ZBTB20: variants seen among roughly 807,000 people sequenced by gnomAD.
The protein encoded by ZBTB20 is zinc finger and BTB domain containing 20.
ZBTB20 carries 9 observed loss-of-function variants against 56.9 expected under a neutral mutation model. The observed-to-expected ratio is 0.16, with a 90% confidence interval of 0.10 to 0.28. The LOEUF (loss-of-function observed/expected upper bound fraction) is 0.28. Among genes scored for constraint, ZBTB20 ranks in the 10% least tolerant of loss-of-function variants. The pLI is 1.00. For synonymous variants in ZBTB20, 417 were observed against 420.7 expected (o/e 0.99, Z 0.11); for missense variants, 655 against 1,003.0 (o/e 0.65, Z 4.69).
At chr3:115,075,417 A>G (rs1229405790) in intron 1 of ZBTB20, among the ~76,000 whole-genome samples, 1 of 152,194 alleles carries the variant, frequency 6.6e-6, no homozygotes, top group Non-Finnish European at 1.5e-5. Context: ...CAATTAGCAC[A>G]GTGTCCTCAA....
In ZBTB20 at chr3:114,925,270, C is replaced by T. The variant is rs144959015; in HGVS notation, c.-455-24928G>A. 5.3e-3 allele frequency among the ~76,000 whole-genome samples: 807 copies of T among 151,812 alleles called. 7 individuals carry two copies. Among genetic ancestry groups the T allele is most frequent in the South Asian group, 0.031 (147 of 4,810 alleles). On this transcript the variant is annotated intron_variant, in intron 3 of 11. Transcript: ENST00000675478. The stretch of plus-strand genomic sequence containing the variant: ...TGCTGAGATTACAGGTGTGAGCCAC[C>T]GCACCTGGCCAATTTGGTTCTTTTA...
intron 6 of ZBTB20, among the ~76,000 whole-genome samples, chr3:114,663,372 AG>A (rs1266617062): frequency 1.3e-5 from 2 of 151,022 alleles, no homozygotes; most frequent in African/African-American, 2.4e-5. Flanking sequence ...CTGCCCTAAA[AG>A]AGCTCCTGAA....
intron 1 of ZBTB20, among the ~76,000 whole-genome samples, chr3:115,110,358 G>T (rs1056789511): frequency 2.6e-5 from 4 of 152,164 alleles, no homozygotes; most frequent in Non-Finnish European, 5.9e-5. Flanking sequence ...GGTAGAAATG[G>T]TATCTTTTAT....
chr3:114,698,059 C>A (rs1366496432), intron 5 of ZBTB20, among the ~76,000 whole-genome samples: 2 of 152,060 alleles, frequency 1.3e-5, no homozygotes, highest in African/African-American at 2.4e-5. Flanking sequence ...ATTTATGATT[C>A]TCTCTATGCA....
At chr3:114,848,006 C>G (rs1305337020) in intron 4 of ZBTB20, among the ~76,000 whole-genome samples, 1 of 152,052 alleles carries the variant, frequency 6.6e-6, no homozygotes, top group East Asian at 1.9e-4. Flanking sequence ...TACAAACCAG[C>G]TCAAAGGAAG....
At chr3:115,054,811 A>C (rs1371662382) in intron 2 of ZBTB20, among the ~76,000 whole-genome samples, 1 of 152,118 alleles carries the variant, frequency 6.6e-6, no homozygotes, top group African/African-American at 2.4e-5. Flanking sequence ...GTAATGCAAT[A>C]ATTTTGATTT....
intron 6 of ZBTB20, among the ~76,000 whole-genome samples, chr3:114,606,417 T>C (rs2057158138): frequency 6.6e-6 from 1 of 152,240 alleles, no homozygotes; most frequent in Admixed American, 6.5e-5. Context: ...TTTCTTTTTT[T>C]TTCTTTCAAA....
chr3:114,781,254 T>C (rs1455161928), intron 5 of ZBTB20, among the ~76,000 whole-genome samples: 1 of 152,110 alleles, frequency 6.6e-6, no homozygotes, highest in Non-Finnish European at 1.5e-5. Context: ...CCAGTAAAAT[T>C]AGGATAACAA....
At chr3:114,891,911 G>A (rs1560369027) in intron 4 of ZBTB20, among the ~76,000 whole-genome samples, 1 of 152,050 alleles carries the variant, frequency 6.6e-6, no homozygotes, top group African/African-American at 2.4e-5. Context: ...GACGGGTGTG[G>A]TGGCGGGCAC....
chr3:114,919,833 C>A (rs1304584886), intron 3 of ZBTB20, among the ~76,000 whole-genome samples: 1 of 151,980 alleles, frequency 6.6e-6, no homozygotes, highest in Non-Finnish European at 1.5e-5. Flanking sequence ...AAGAGTGGCT[C>A]AACAGAAAAC....
In ZBTB20 at chr3:114,748,298, C is replaced by CTT; in HGVS notation, c.-343+52801_-343+52802dup. ...TTGTAGCTTCTTTCTTTCTTTCTTT[C>CTT]TTTCTTTCTTTCTTTCTTTCTTTCT... is the stretch of plus-strand genomic sequence containing the variant. On this transcript the variant is annotated intron_variant, in intron 5 of 11. Coordinates refer to ENST00000675478, the MANE Select transcript of ZBTB20 (RefSeq NM_001348800.3). 5.2e-5 allele frequency among the ~76,000 whole-genome samples: 7 copies of CTT among 134,314 alleles called. No homozygotes were observed. The South Asian group carries it at 1.8e-3, about 34-fold the overall frequency. The allele number at this position is 134,314 out of a possible 152,430, so 88.1% of individuals were successfully genotyped here.
chr3:114,707,764 T>C (rs866293183), intron 5 of ZBTB20, among the ~76,000 whole-genome samples: 7 of 152,146 alleles, frequency 4.6e-5, no homozygotes, highest in South Asian at 2.1e-4. Flanking sequence ...TATTCTGGAG[T>C]TAAAACAGGT....
chr3:114,745,611 G>C (rs1224285649), intron 5 of ZBTB20, among the ~76,000 whole-genome samples: 1 of 152,132 alleles, frequency 6.6e-6, no homozygotes, highest in Non-Finnish European at 1.5e-5. Context: ...TCTCTAAAAA[G>C]CAGGACTGGA....
At chr3:114,976,624 C>T (rs2078112067) in intron 2 of ZBTB20, among the ~76,000 whole-genome samples, 1 of 146,692 alleles carries the variant, frequency 6.8e-6, no homozygotes, top group Non-Finnish European at 1.5e-5. Flanking sequence ...AAAACTCCGC[C>T]TCAAAAAAAA....
At chr3:114,343,873 C>T (rs1169596342) in intron 11 of ZBTB20, among the ~76,000 whole-genome samples, 1 of 152,072 alleles carries the variant, frequency 6.6e-6, no homozygotes, top group Non-Finnish European at 1.5e-5. Flanking sequence ...CATGGTGAAA[C>T]CACATCTCTA....
chr3:114,840,705 C>T (rs1430043136), intron 4 of ZBTB20, among the ~76,000 whole-genome samples: 7 of 152,072 alleles, frequency 4.6e-5, no homozygotes, highest in Admixed American at 4.6e-4. Context: ...TTCATACCCA[C>T]CATTGATACC....
At chr3:114,761,557 G>A (rs4682548) in intron 5 of ZBTB20, among the ~76,000 whole-genome samples, 123,463 of 152,148 alleles carry the variant, frequency 0.81, 51,547 homozygotes, top group East Asian at 0.98. Context: ...AAATAAGTCC[G>A]GGCACGGTGG....
chr3:115,146,497 A>G (rs1209328073), intron 1 of ZBTB20, among the ~76,000 whole-genome samples: 1 of 152,158 alleles, frequency 6.6e-6, no homozygotes. Flanking sequence ...AGGAATCAAA[A>G]AGTGTTAACA....
chr3:114,976,676 T>A (rs147743760), intron 2 of ZBTB20, among the ~76,000 whole-genome samples: 1 of 151,952 alleles, frequency 6.6e-6, no homozygotes, highest in East Asian at 1.9e-4. Context: ...TAGGATTAAA[T>A]AATACATATT....
Sources: allele counts gnomAD v4.1 joint callset (sites outside exome capture counted in the v4.1 genomes callset), GRCh38; gene constraint gnomAD v4.1.1; transcripts MANE v1.5; gene names NCBI Gene and HGNC (gene_info 2026-07-23, HGNC 2026-07-21).